The following TJP1 variants were observed in gnomAD, a reference collection of about 807,000 sequenced individuals.
TJP1 encodes tight junction protein ZO-1.
A neutral mutation model predicts 194.2 loss-of-function variants in TJP1; 43 were observed. The ratio of observed to expected loss-of-function variants is 0.22; its 90% CI spans 0.17 to 0.29. The LOEUF (loss-of-function observed/expected upper bound fraction) is 0.29, where lower values mean the gene tolerates loss of function less well. Among genes scored for constraint, TJP1 ranks in the 10% least tolerant of loss-of-function variants. The pLI is 1.00. For missense variants in TJP1, 1,971 were observed against 2,185.7 expected (o/e 0.90, Z 1.96); for synonymous variants, 801 against 779.0 (o/e 1.03, Z -0.47).
intron 8 of TJP1, among the ~76,000 whole-genome samples, chr15:29,744,802 C>T (rs1218669018): frequency 6.6e-6 from 1 of 152,132 alleles, no homozygotes; most frequent in Non-Finnish European, 1.5e-5. Flanking sequence ...CATCAGCATT[C>T]CAATCTGAGG....
At chr15:29,842,369 ATAAT>A (rs772377954) in intron 2 of TJP1, among the ~76,000 whole-genome samples, 11 of 152,306 alleles carry the variant, frequency 7.2e-5, no homozygotes, top group East Asian at 5.8e-4. Flanking sequence ...ATTATCAGGA[ATAAT>A]TAATTGAGTC....
intron 1 of TJP1, among the ~76,000 whole-genome samples, chr15:29,812,423 G>A (rs575110026): frequency 7.6e-4 from 115 of 152,292 alleles, no homozygotes; most frequent in African/African-American, 2.7e-3. Context: ...GCAACCTCTT[G>A]AAAAACTGGG....
In TJP1 at chr15:29,927,476, A is replaced by G. The variant is rs149831270; in HGVS notation, c.306+28756T>C. Among the ~76,000 whole-genome samples the G allele has an allele frequency of 4.0e-3, 604 of 152,342 alleles. 2 individuals are homozygous for G. Among genetic ancestry groups the G allele is most frequent in the African/African-American group, 0.014 (578 of 41,578 alleles). On this transcript the variant is annotated intron_variant, in intron 2 of 28. Transcript: ENST00000356107. ...ACAAAATCCATAGAGACACATGCAG[A>G]TACACAGAGGTTAAGAGAAAAAGAG...
chr15:29,751,835 T>A (rs1418526174), intron 8 of TJP1, among the ~76,000 whole-genome samples: 1 of 152,206 alleles, frequency 6.6e-6, no homozygotes, highest in Non-Finnish European at 1.5e-5. Context: ...CAGTTTGTTT[T>A]TAAATTTGCC....
chr15:29,885,363 A>G (rs1387278907), intron 2 of TJP1, among the ~76,000 whole-genome samples: 1 of 152,222 alleles, frequency 6.6e-6, no homozygotes, highest in Non-Finnish European at 1.5e-5. Flanking sequence ...GCAAGGGAAC[A>G]CATGGAGATA....
intron 1 of TJP1, among the ~76,000 whole-genome samples, chr15:29,813,862 C>A (rs2049709856): frequency 6.6e-6 from 1 of 152,194 alleles, no homozygotes; most frequent in African/African-American, 2.4e-5. Context: ...GATTGGTACA[C>A]ACGAGGTAAC....
At chr15:29,772,455 C>A (rs2046753119) in intron 3 of TJP1, among the ~76,000 whole-genome samples, 1 of 152,136 alleles carries the variant, frequency 6.6e-6, no homozygotes, top group African/African-American at 2.4e-5. Context: ...CTTGGTAGTA[C>A]AGTTACAGGG....
At chr15:29,751,226 T>G (rs2151437143) in intron 8 of TJP1, among the ~76,000 whole-genome samples, 1 of 152,338 alleles carries the variant, frequency 6.6e-6, no homozygotes, top group South Asian at 2.1e-4. Flanking sequence ...CCAGGAAGTA[T>G]GCTGAGAAGG....
intron 2 of TJP1, among the ~76,000 whole-genome samples, chr15:29,833,871 A>ATTTT (rs1567116902): frequency 2.2e-4 from 4 of 18,348 alleles, no homozygotes; most frequent in African/African-American, 7.3e-4. Context: ...ATATATATAT[A>ATTTT]TATATATATA....
intron 2 of TJP1, among the ~76,000 whole-genome samples, chr15:29,888,814 G>A (rs566443655): frequency 2.7e-4 from 41 of 152,284 alleles, no homozygotes; most frequent in African/African-American, 8.9e-4. Context: ...GTGTGTAGCC[G>A]CACACACTGA....
intron 2 of TJP1, among the ~76,000 whole-genome samples, chr15:29,902,219 T>C (rs1238047082): frequency 1.3e-5 from 2 of 152,192 alleles, no homozygotes; most frequent in Non-Finnish European, 2.9e-5. Context: ...AAATAGTTCA[T>C]AAAGAAATGC....
At chr15:29,905,661 C>T (rs534519991) in intron 2 of TJP1, among the ~76,000 whole-genome samples, 15 of 152,206 alleles carry the variant, frequency 9.9e-5, no homozygotes, top group South Asian at 4.2e-4. Flanking sequence ...ATTTATTTAC[C>T]GCAGTTTAGA....
intron 2 of TJP1, among the ~76,000 whole-genome samples, chr15:29,948,949 A>G (rs1457934402): frequency 6.7e-6 from 1 of 149,140 alleles, no homozygotes; most frequent in Non-Finnish European, 1.5e-5. Flanking sequence ...TTCCAACTCC[A>G]CCACCACCAC....
Position 29,728,160 on chromosome 15 carries a change from A to C in TJP1, c.2018-141T>G, listed in dbSNP as rs967392163. ...ACTGTCTTATGCATGCAGTACTTAA[A>C]GTGAGTTTTAATATGCATACTTCCC... On this transcript the variant is annotated intron_variant, in intron 15 of 27. Transcript: ENST00000614355. The C allele has an allele frequency of 1.3e-5, 7 of 550,918 alleles. No homozygotes were observed. The African/African-American group carries it at 1.3e-4, about 11-fold the overall frequency. 34.1% of individuals were successfully genotyped at this position (550,918 alleles called of 1,614,324 possible). A position where few individuals can be genotyped will look rare whatever the true frequency, so the allele number is the denominator to read the frequency against.
intron 2 of TJP1, among the ~76,000 whole-genome samples, chr15:29,862,508 T>C (rs943900142): frequency 6.6e-6 from 1 of 151,938 alleles, no homozygotes; most frequent in Non-Finnish European, 1.5e-5. Flanking sequence ...TGGAATGTTA[T>C]GGGAAGTGTA....
At chr15:29,707,273 G>A (rs1314704445) in intron 25 of TJP1, among the ~76,000 whole-genome samples, 3 of 152,204 alleles carry the variant, frequency 2.0e-5, no homozygotes, top group Non-Finnish European at 4.4e-5. Context: ...CTTCCTGAAA[G>A]TACAGTTTTG....
At chr15:29,947,192 A>C (rs1178792171) in intron 2 of TJP1, among the ~76,000 whole-genome samples, 2 of 152,224 alleles carry the variant, frequency 1.3e-5, no homozygotes, top group African/African-American at 4.8e-5. Flanking sequence ...TCCCAAATTA[A>C]AACTAAGCAC....
At chr15:29,883,055 T>C (rs2052995022) in intron 2 of TJP1, among the ~76,000 whole-genome samples, 1 of 152,220 alleles carries the variant, frequency 6.6e-6, no homozygotes, top group African/African-American at 2.4e-5. Context: ...ATGCCTTTAC[T>C]TGCACTTCAG....
intron 2 of TJP1, among the ~76,000 whole-genome samples, chr15:29,906,180 A>T (rs1317162561): frequency 6.6e-6 from 1 of 152,086 alleles, no homozygotes; most frequent in African/African-American, 2.4e-5. Flanking sequence ...CTGCTCTTAA[A>T]AATAAAGTTA....
Sources: allele counts gnomAD v4.1 joint callset (sites outside exome capture counted in the v4.1 genomes callset), GRCh38; gene constraint gnomAD v4.1.1; transcripts MANE v1.5; gene names NCBI Gene and HGNC (gene_info 2026-07-23, HGNC 2026-07-21).